RP1: variants seen among roughly 807,000 people sequenced by gnomAD.
RP1 encodes the protein oxygen-regulated protein 1.
Under a neutral mutation model 14.8 loss-of-function variants are expected in RP1, and 16 were observed. The observed-to-expected ratio is 1.08, with a 90% confidence interval of 0.73 to 1.65. The LOEUF (loss-of-function observed/expected upper bound fraction) is 1.65. Among genes scored for constraint, RP1 ranks in the 40% most tolerant of loss-of-function variants. The pLI is 0.00. For synonymous variants in RP1, 876 were observed against 883.6 expected, an observed-to-expected ratio of 0.99 and a Z score of 0.15; for missense variants, 2,631 against 2,535.0, an observed-to-expected ratio of 1.04 and a Z score of -0.81.
intron 24 of RP1, among the ~76,000 whole-genome samples, chr8:54,790,522 A>C (rs1329383144): frequency 6.6e-6 from 1 of 151,962 alleles, no homozygotes; most frequent in Admixed American, 6.6e-5. Context: ...ACTGTTTGAC[A>C]AGGAATTGAG....
intron 1 of RP1, among the ~76,000 whole-genome samples, chr8:54,592,503 A>G (rs535402773): frequency 6.6e-6 from 1 of 152,314 alleles, no homozygotes; most frequent in African/African-American, 2.4e-5. Flanking sequence ...TGTTCCTGGA[A>G]TCTTAAGTTT....
intron 3 of RP1, among the ~76,000 whole-genome samples, chr8:54,637,959 A>G (rs1166170865): frequency 2.0e-5 from 3 of 151,854 alleles, no homozygotes; most frequent in Admixed American, 6.6e-5. Context: ...TCCCTTCCCA[A>G]CTCCTCTACC....
chr8:54,643,381 G>A (rs1222569783), intron 3 of RP1, among the ~76,000 whole-genome samples: 1 of 152,096 alleles, frequency 6.6e-6, no homozygotes, highest in African/African-American at 2.4e-5. Flanking sequence ...CTGGCCCTAG[G>A]AAAGAACTCA....
At chr8:54,679,947 A>ACAAAG in intron 12 of RP1, 1 of 1,535,628 alleles carries the variant, frequency 6.5e-7, no homozygotes. Flanking sequence ...AAACTATCGT[A>ACAAAG]CAAAGCTTGT....
At chr8:54,737,292 G>T (rs1269347725) in intron 18 of RP1, among the ~76,000 whole-genome samples, 1 of 152,140 alleles carries the variant, frequency 6.6e-6, no homozygotes, top group Non-Finnish European at 1.5e-5. Flanking sequence ...CCCCCTGGCT[G>T]GCACAGACCT....
chr8:54,673,329 G>A (rs113508181), intron 7 of RP1, among the ~76,000 whole-genome samples: 49 of 152,128 alleles, frequency 3.2e-4, no homozygotes, highest in Non-Finnish European at 3.8e-4. Flanking sequence ...AACCTATAGC[G>A]TTATCTTTGA....
chr8:54,687,760 A>G (rs1264221547), intron 12 of RP1, among the ~76,000 whole-genome samples: 1 of 152,172 alleles, frequency 6.6e-6, no homozygotes, highest in Non-Finnish European at 1.5e-5. Context: ...GAACAGTGCC[A>G]CAATAAACAT....
At chr8:54,751,042 G>A (rs534399146) in intron 19 of RP1, among the ~76,000 whole-genome samples, 1 of 152,240 alleles carries the variant, frequency 6.6e-6, no homozygotes, top group African/African-American at 2.4e-5. Context: ...CACTCTTTGG[G>A]TCCGTGCCAT....
intron 1 of RP1, among the ~76,000 whole-genome samples, chr8:54,620,427 T>C (rs2375079): frequency 0.08 from 12,110 of 152,290 alleles, 1,489 homozygotes; most frequent in African/African-American, 0.27. Context: ...CCTGGGTGTG[T>C]AGTAGGCTAT....
chr8:54,739,102 G>A lies in RP1; in HGVS notation c.2808+73G>A, dbSNP rs1394848246. ...AGAAGCAAGCTGGCTATGTAAAGCA[G>A]TGAAAACGGTATTTTCCTAATTACA... On this transcript the variant is annotated intron_variant, in intron 19 of 22. Coordinates refer to the RP1 transcript ENST00000636932. 75 of 1,079,792 alleles carry A rather than the reference G, an allele frequency of 6.9e-5. No homozygotes were observed. The East Asian group carries it at 1.9e-3, about 27-fold the overall frequency. The allele number at this position is 1,079,792 out of a possible 1,614,324, so 66.9% of individuals were successfully genotyped here.
intron 24 of RP1, among the ~76,000 whole-genome samples, chr8:54,801,058 G>T (rs1472568655): frequency 6.6e-6 from 1 of 152,156 alleles, no homozygotes. Context: ...CATTACTTGG[G>T]CTGAGTTTAA....
At chr8:54,826,346 T>C (rs1811386224) in intron 24 of RP1, among the ~76,000 whole-genome samples, 1 of 152,218 alleles carries the variant, frequency 6.6e-6, no homozygotes, top group Admixed American at 6.5e-5. Context: ...TGCATTATCA[T>C]TGCCACCTCC....
intron 3 of RP1, 150 bp from the exon 4 acceptor site, chr8:54,624,520 T>G: frequency 5.6e-6 from 4 of 711,940 alleles, no homozygotes; most frequent in African/African-American, 1.8e-5. Context: ...CATTTTACTA[T>G]GAAATACAGA....
At chr8:54,730,488 ATTCCTTTTATGTGACCTTATAC>A (rs1215711660) in intron 17 of RP1, among the ~76,000 whole-genome samples, 1 of 152,130 alleles carries the variant, frequency 6.6e-6, no homozygotes, top group African/African-American at 2.4e-5. Flanking sequence ...GAATAATGGT[ATTCCTTTTATGTGACCTTATAC>A]ATCAGTTAAT....
intron 1 of RP1, among the ~76,000 whole-genome samples, chr8:54,619,740 GC>G (rs1805809841): frequency 6.6e-6 from 1 of 152,208 alleles, no homozygotes; most frequent in Non-Finnish European, 1.5e-5. Context: ...GGACATTTTT[GC>G]TTAGTGCAGT....
intron 23 of RP1, among the ~76,000 whole-genome samples, chr8:54,777,942 G>C (rs1202611033): frequency 6.6e-6 from 1 of 152,062 alleles, no homozygotes; most frequent in Non-Finnish European, 1.5e-5. Context: ...TCATCAGAAG[G>C]ACTTGTTTTT....
At chr8:54,728,828 C>A (rs1476033040) in intron 17 of RP1, among the ~76,000 whole-genome samples, 2 of 151,986 alleles carry the variant, frequency 1.3e-5, no homozygotes, top group Non-Finnish European at 2.9e-5. Flanking sequence ...AAATTTTAAA[C>A]ACACACAAAG....
rs1563399122 is a variant in RP1 at position 54,860,831 on chromosome 8, A to G, written c.4069+3725A>G. Among the ~76,000 whole-genome samples the G allele has an allele frequency of 2.0e-5, 3 of 152,362 alleles. No individual in the cohort carries two copies. In the South Asian group the frequency reaches 6.2e-4, roughly 32 times the overall value. On this transcript the variant is annotated intron_variant, in intron 27 of 28. Coordinates refer to the RP1 transcript ENST00000637698. ...ATAAATATTTGAAAGTAACCTTCAC[A>G]GTGCTATTGTCCATTTGACAAAGGG...
At chr8:54,751,256 A>G (rs1809362716) in intron 19 of RP1, among the ~76,000 whole-genome samples, 1 of 152,224 alleles carries the variant, frequency 6.6e-6, no homozygotes, top group Non-Finnish European at 1.5e-5. Context: ...TCATTTTATT[A>G]CATAAGGCAC....
Sources: gnomAD v4.1 joint callset for allele counts (sites outside exome capture counted in the v4.1 genomes callset) on GRCh38, gnomAD v4.1.1 for gene constraint, MANE v1.5 for transcripts, NCBI Gene and HGNC (gene_info 2026-07-23, HGNC 2026-07-21) for gene names.